Variants in CPPED1 observed in about 807,000 individuals in gnomAD.
CPPED1 encodes the protein serine/threonine-protein phosphatase CPPED1.
CPPED1 carries 28 observed loss-of-function variants against 28.0 expected under a neutral mutation model. The ratio of observed to expected loss-of-function variants is 1.00; its 90% CI spans 0.74 to 1.37. The LOEUF (loss-of-function observed/expected upper bound fraction) is 1.37, where lower values mean the gene tolerates loss of function less well. CPPED1 is among the 40% of genes most tolerant of loss of function. The pLI is 0.00. For synonymous variants in CPPED1, 198 were observed against 180.2 expected, an observed-to-expected ratio of 1.10 and a Z score of -0.79; for missense variants, 504 against 416.5, an observed-to-expected ratio of 1.21 and a Z score of -1.83.
intron 1 of CPPED1, among the ~76,000 whole-genome samples, chr16:12,790,978 C>A (rs2080592978): frequency 1.4e-5 from 2 of 146,932 alleles, no homozygotes; most frequent in African/African-American, 5.0e-5. Context: ...TTTTTCTGGA[C>A]ATGTCCAAGC....
chr16:12,780,357 G>T (rs2080522635), intron 2 of CPPED1, among the ~76,000 whole-genome samples: 1 of 152,092 alleles, frequency 6.6e-6, no homozygotes, highest in Non-Finnish European at 1.5e-5. Context: ...TGTATTTTTA[G>T]TAGAGACGGG....
At chr16:12,799,506 A>G (rs916637663) in intron 1 of CPPED1, among the ~76,000 whole-genome samples, 1 of 152,166 alleles carries the variant, frequency 6.6e-6, no homozygotes, top group African/African-American at 2.4e-5. Flanking sequence ...TCGGCCTCCC[A>G]AAGTGCAGGA....
At chr16:12,731,926 G>A (rs371921866) in intron 2 of CPPED1, among the ~76,000 whole-genome samples, 1 of 152,086 alleles carries the variant, frequency 6.6e-6, no homozygotes, top group South Asian at 2.1e-4. Context: ...ACTTTGGGAG[G>A]CCAAGGTGGG....
intron 2 of CPPED1, among the ~76,000 whole-genome samples, chr16:12,730,804 G>C (rs1307788927): frequency 6.6e-6 from 1 of 152,192 alleles, no homozygotes; most frequent in African/African-American, 2.4e-5. Flanking sequence ...GAGCCTTCTG[G>C]AGTCTGGCAA....
chr16:12,689,292 T>C (rs1167205629), intron 3 of CPPED1, among the ~76,000 whole-genome samples: 1 of 141,244 alleles, frequency 7.1e-6, no homozygotes, highest in East Asian at 2.2e-4. Context: ...AGTGGTGCAA[T>C]CTTGGCTCAT....
intron 2 of CPPED1, among the ~76,000 whole-genome samples, chr16:12,713,286 C>T (rs1209874195): frequency 6.6e-6 from 1 of 152,172 alleles, no homozygotes; most frequent in Non-Finnish European, 1.5e-5. Flanking sequence ...AATGTCTCTG[C>T]TACTATTTTG....
At chr16:12,759,059 G>A (rs1298216025) in intron 2 of CPPED1, among the ~76,000 whole-genome samples, 1 of 151,170 alleles carries the variant, frequency 6.6e-6, no homozygotes, top group Admixed American at 6.6e-5. Context: ...GCTACTCAGG[G>A]GGCTAGGGTA....
At chr16:12,799,792 G>A (rs2080648314) in intron 1 of CPPED1, among the ~76,000 whole-genome samples, 1 of 152,172 alleles carries the variant, frequency 6.6e-6, no homozygotes, top group Non-Finnish European at 1.5e-5. Flanking sequence ...TCTGAGGCTG[G>A]GCCTCTCTAG....
rs376789774 is a variant in CPPED1 at position 12,714,876 on chromosome 16, G to C, written c.290-9827C>G. On this transcript the variant is annotated intron_variant, in intron 2 of 3. Transcript: ENST00000381774. ...TCTAAGAAATCACTTTCCAATAGAG[G>C]ATCACAAAGATTTCTGCCTATGCTT... Among the ~76,000 whole-genome samples the C allele has an allele frequency of 3.3e-5, 5 of 152,210 alleles. No individual in the cohort carries two copies. In the East Asian group the frequency reaches 9.7e-4, roughly 29 times the overall value.
intron 1 of CPPED1, among the ~76,000 whole-genome samples, chr16:12,788,572 G>C (rs1409776188): frequency 1.3e-5 from 2 of 152,068 alleles, no homozygotes; most frequent in African/African-American, 4.8e-5. Context: ...GCTGAGGTCT[G>C]GGTAGTGAGG....
chr16:12,697,645 G>C (rs1199964365), intron 3 of CPPED1, among the ~76,000 whole-genome samples: 1 of 152,142 alleles, frequency 6.6e-6, no homozygotes, highest in Non-Finnish European at 1.5e-5. Flanking sequence ...CCTGTTTCTG[G>C]AAATAAAGTT....
intron 2 of CPPED1, among the ~76,000 whole-genome samples, chr16:12,768,216 T>C (rs541993462): frequency 6.6e-6 from 1 of 152,342 alleles, no homozygotes; most frequent in East Asian, 1.9e-4. Context: ...TTTTATTTTC[T>C]TTGGTCCTGA....
intron 2 of CPPED1, among the ~76,000 whole-genome samples, chr16:12,771,267 T>A (rs1474895723): frequency 6.6e-6 from 1 of 152,220 alleles, no homozygotes; most frequent in Non-Finnish European, 1.5e-5. Context: ...TGGTGCAAAG[T>A]AGACTCTCAA....
chr16:12,697,102 G>A (rs1354871666), intron 3 of CPPED1, among the ~76,000 whole-genome samples: 2 of 152,124 alleles, frequency 1.3e-5, no homozygotes, highest in African/African-American at 4.8e-5. Context: ...TCAGCTCACT[G>A]TAACCTCTGC....
intron 3 of CPPED1, among the ~76,000 whole-genome samples, chr16:12,701,145 C>T (rs2080018250): frequency 6.6e-6 from 1 of 151,976 alleles, no homozygotes; most frequent in Admixed American, 6.6e-5. Context: ...GGGAGGATCA[C>T]TTGAGCCCAG....
chr16:12,746,967 G>T (rs946114736), intron 2 of CPPED1, among the ~76,000 whole-genome samples: 10 of 150,716 alleles, frequency 6.6e-5, no homozygotes, highest in African/African-American at 2.2e-4. Context: ...GAGGAAAAGA[G>T]GAAAAAGGGG....
At chr16:12,803,651 C>A in intron 1 of CPPED1, 56 bp downstream of exon 1, 8 of 1,365,220 alleles carry the variant, frequency 5.9e-6, no homozygotes, top group Non-Finnish European at 7.7e-6. Flanking sequence ...AAGGTTCCCC[C>A]GGCGGAAGGT....
At chr16:12,776,039 G>C (rs1567303623) in intron 2 of CPPED1, among the ~76,000 whole-genome samples, 1 of 152,200 alleles carries the variant, frequency 6.6e-6, no homozygotes, top group Non-Finnish European at 1.5e-5. Context: ...ATCTGCAGAT[G>C]GGATTATGTT....
intron 1 of CPPED1, among the ~76,000 whole-genome samples, chr16:12,803,219 T>C (rs1348171661): frequency 6.6e-6 from 1 of 152,224 alleles, no homozygotes; most frequent in Admixed American, 6.5e-5. Flanking sequence ...AGTGTTACCA[T>C]TTCGGTGAAT....
Sources: gnomAD v4.1 joint callset for allele counts (sites outside exome capture counted in the v4.1 genomes callset) on GRCh38, gnomAD v4.1.1 for gene constraint, MANE v1.5 for transcripts, NCBI Gene and HGNC (gene_info 2026-07-23, HGNC 2026-07-21) for gene names.